Variants in EEF1AKMT1 observed in about 807,000 individuals in gnomAD.
The protein encoded by EEF1AKMT1 is EEF1A lysine methyltransferase 1, also known as N-6 adenine-specific DNA methyltransferase 2 (putative).
EEF1AKMT1 carries 18 observed loss-of-function variants against 21.0 expected under a neutral mutation model. That is an observed-to-expected ratio of 0.86 (90% CI 0.59 to 1.27). The LOEUF is 1.27. Ranked by LOEUF, EEF1AKMT1 falls within the 50% of genes most tolerant of loss-of-function variation. EEF1AKMT1 has a pLI of 0.00. For missense variants in EEF1AKMT1, 246 were observed against 258.6 expected (o/e 0.95, Z 0.33); for synonymous variants, 109 against 94.8 (o/e 1.15, Z -0.87).
At chr13:20,770,139 A>G (rs1190528090) in intron 1 of EEF1AKMT1, among the ~76,000 whole-genome samples, 2 of 152,212 alleles carry the variant, frequency 1.3e-5, no homozygotes, top group Non-Finnish European at 2.9e-5. Flanking sequence ...GAAAAGAAGG[A>G]AATTCTGATA....
chr13:20,761,610 G>A (rs1311108201), intron 1 of EEF1AKMT1, among the ~76,000 whole-genome samples: 8 of 152,138 alleles, frequency 5.3e-5, no homozygotes, highest in Admixed American at 3.9e-4. Context: ...GTTAGAGTGT[G>A]TTTATTTTGA....
intron 2 of EEF1AKMT1, among the ~76,000 whole-genome samples, chr13:20,753,452 G>A (rs529588837): frequency 2.0e-5 from 3 of 152,088 alleles, no homozygotes; most frequent in Non-Finnish European, 4.4e-5. Flanking sequence ...AAGTCCATTG[G>A]TCTAAAGTGC....
chr13:20,733,285 G>A (rs1417697037), intron 3 of EEF1AKMT1, among the ~76,000 whole-genome samples: 2 of 151,976 alleles, frequency 1.3e-5, no homozygotes, highest in Non-Finnish European at 2.9e-5. Context: ...TAGCAGAGAC[G>A]GGGTTTCACC....
At chr13:20,751,770 T>C (rs557384874) in intron 2 of EEF1AKMT1, among the ~76,000 whole-genome samples, 2 of 152,334 alleles carry the variant, frequency 1.3e-5, no homozygotes, top group South Asian at 4.1e-4. Flanking sequence ...GATTATTCTT[T>C]CAATCCGTGA....
intron 1 of EEF1AKMT1, among the ~76,000 whole-genome samples, chr13:20,761,934 A>C (rs1003338841): frequency 1.2e-4 from 18 of 152,258 alleles, no homozygotes; most frequent in African/African-American, 3.8e-4. Context: ...TTGTCTCTAC[A>C]AAAATGTTTT....
chr13:20,773,147 G>C (rs541540072), intron 1 of EEF1AKMT1, among the ~76,000 whole-genome samples: 25 of 152,248 alleles, frequency 1.6e-4, no homozygotes, highest in Non-Finnish European at 3.4e-4. Context: ...TTGCTTTCCA[G>C]AATTCTATTT....
chr13:20,740,297 C>T (rs61481774), intron 2 of EEF1AKMT1, among the ~76,000 whole-genome samples: 10,602 of 152,286 alleles, frequency 0.07, 1,107 homozygotes, highest in African/African-American at 0.22. Context: ...CCCCAGTTTC[C>T]GCCCACGTCT....
chr13:20,764,190 C>G lies in EEF1AKMT1; in HGVS notation c.-19-6573G>C, dbSNP rs76468482. 1.9e-3 allele frequency among the ~76,000 whole-genome samples: 288 copies of G among 152,270 alleles called. 4 individuals carry two copies. In the East Asian group the frequency reaches 0.024, roughly 12 times the overall value. On this transcript the variant is annotated intron_variant, in intron 1 of 4. Coordinates refer to ENST00000382758, the MANE Select transcript of EEF1AKMT1 (RefSeq NM_001318939.2). ...AGAACACTGTTTTGAGACCTTTCTT[C>G]TAATTTAAGTGTTCAGTGCTTTAAA...
intron 1 of EEF1AKMT1, among the ~76,000 whole-genome samples, chr13:20,773,419 G>A (rs1566541983): frequency 6.6e-6 from 1 of 152,350 alleles, no homozygotes; most frequent in East Asian, 1.9e-4. Flanking sequence ...CCCGCATCCT[G>A]CAAGGGACCT....
At chr13:20,752,223 C>T (rs1350020233) in intron 2 of EEF1AKMT1, among the ~76,000 whole-genome samples, 2 of 152,050 alleles carry the variant, frequency 1.3e-5, no homozygotes, top group Non-Finnish European at 2.9e-5. Context: ...TTATCTTATT[C>T]CTGATCTTAG....
chr13:20,731,371 T>G (rs1013806385), intron 4 of EEF1AKMT1, among the ~76,000 whole-genome samples: 2 of 152,124 alleles, frequency 1.3e-5, no homozygotes, highest in Non-Finnish European at 2.9e-5. Flanking sequence ...GAGGCTGAGG[T>G]GGGAGGACGG....
chr13:20,749,433 C>T (rs968259173), intron 2 of EEF1AKMT1, among the ~76,000 whole-genome samples: 7 of 152,216 alleles, frequency 4.6e-5, no homozygotes, highest in African/African-American at 1.7e-4. Context: ...ATTTCCTATT[C>T]CTTGGAGCTC....
intron 2 of EEF1AKMT1, among the ~76,000 whole-genome samples, chr13:20,740,562 T>A (rs145867313): frequency 1.6e-4 from 24 of 152,322 alleles, no homozygotes; most frequent in African/African-American, 5.5e-4. Flanking sequence ...CCCAGCACTT[T>A]GGGAGGCCAA....
At position 20,731,051 on chromosome 13, in the gene EEF1AKMT1, C is replaced by T. The variant is rs367757057; in HGVS notation, c.508+790G>A. On this transcript the variant is annotated intron_variant, in intron 4 of 4. Transcript: ENST00000382758. Reference sequence around the variant, plus strand: ...GAGGTGCCGCCTTTAAGAGCTGTAACACCACGAGGTCTGTGGCTTCATTCT... The same window carrying T: ...GAGGTGCCGCCTTTAAGAGCTGTAATACCACGAGGTCTGTGGCTTCATTCT... Among the ~76,000 whole-genome samples, 19 of 152,324 alleles carry T rather than the reference C, an allele frequency of 1.2e-4. 1 individual carries two copies. In the East Asian group the frequency reaches 2.7e-3, roughly 22 times the overall value.
At chr13:20,735,828 A>G (rs892225353) in intron 3 of EEF1AKMT1, among the ~76,000 whole-genome samples, 3 of 152,214 alleles carry the variant, frequency 2.0e-5, no homozygotes, top group Non-Finnish European at 4.4e-5. Context: ...AGGATGAACA[A>G]GACACAATAA....
At chr13:20,765,527 C>T (rs1230685794) in intron 1 of EEF1AKMT1, among the ~76,000 whole-genome samples, 5 of 149,872 alleles carry the variant, frequency 3.3e-5, no homozygotes, top group Non-Finnish European at 3.0e-5. Flanking sequence ...ATTCCCCTGC[C>T]TCAGCCTCCC....
chr13:20,765,767 ATTT>A (rs1044211457), intron 1 of EEF1AKMT1, among the ~76,000 whole-genome samples: 1 of 145,292 alleles, frequency 6.9e-6, no homozygotes, highest in Non-Finnish European at 1.5e-5. Context: ...TGTTTCTTGA[ATTT>A]TTTTTTTTTT....
chr13:20,737,861 T>C (rs1204139829), intron 2 of EEF1AKMT1, 56 bp from the exon 3 acceptor site: 1 of 1,251,318 alleles, frequency 8.0e-7, no homozygotes, highest in Non-Finnish European at 1.1e-6. Context: ...CTTTGTTCTT[T>C]TAATTTATAT....
At chr13:20,731,497 C>T (rs1043010223) in intron 4 of EEF1AKMT1, among the ~76,000 whole-genome samples, 4 of 152,176 alleles carry the variant, frequency 2.6e-5, no homozygotes, top group African/African-American at 4.8e-5. Flanking sequence ...AGGCAATTCA[C>T]TTAAACTCTA....
Sources: allele counts gnomAD v4.1 joint callset (sites outside exome capture counted in the v4.1 genomes callset), GRCh38; gene constraint gnomAD v4.1.1; transcripts MANE v1.5; gene names NCBI Gene and HGNC (gene_info 2026-07-23, HGNC 2026-07-21).